The following CEP164 variants were observed in gnomAD, a reference collection of about 807,000 sequenced individuals.
CEP164 encodes the protein centrosomal protein of 164 kDa.
Under a neutral mutation model 182.7 loss-of-function variants are expected in CEP164, and 162 were observed. That is an observed-to-expected ratio of 0.89 (90% confidence interval 0.78 to 1.01). The LOEUF (loss-of-function observed/expected upper bound fraction) is 1.01. CEP164 is among the 50% of genes least tolerant of loss of function. The pLI is 0.00. For missense variants in CEP164, 1,735 were observed against 1,790.4 expected, an observed-to-expected ratio of 0.97 and a Z score of 0.56; for synonymous variants, 661 against 690.0, an observed-to-expected ratio of 0.96 and a Z score of 0.66.
At chr11:117,355,103 C>A (rs947872564) in intron 5 of CEP164, 22 of 1,289,676 alleles carry the variant, frequency 1.7e-5, no homozygotes, top group Middle Eastern at 2.1e-4. Flanking sequence ...CACTCCCTGG[C>A]GTTTCATGGG....
chr11:117,395,819 G>A, intron 24 of CEP164, 97 bp downstream of exon 24: 1 of 1,413,514 alleles, frequency 7.1e-7, no homozygotes, highest in Non-Finnish European at 9.6e-7. Context: ...AGGGAGAGGT[G>A]GAGTCCCAGC....
In CEP164 at chr11:117,409,211, G is replaced by T; in HGVS notation, c.3748+183G>T. The T allele has an allele frequency of 1.3e-6, 1 of 788,932 alleles. No homozygotes were observed. The highest frequency in any genetic ancestry group is 2.0e-6 in the Non-Finnish European group (1 of 503,786). The allele number at this position is 788,932 out of a possible 1,614,324, so 48.9% of individuals were successfully genotyped here. On this transcript the variant is annotated intron_variant, in intron 29 of 32. Coordinates refer to ENST00000278935, the MANE Select transcript of CEP164 (RefSeq NM_014956.5). The surrounding 1 kb of genome is among the most constrained non-coding windows in gnomAD (Gnocchi z 4.4). The stretch of plus-strand genomic sequence containing the variant: ...ACCATCTAGGTTTGCCAGCACGTGG[G>T]GCTGAAAGGTCAGGGAAGCCCTCTG...
At chr11:117,354,252 A>C (rs546749039) in intron 5 of CEP164, among the ~76,000 whole-genome samples, 1 of 152,172 alleles carries the variant, frequency 6.6e-6, no homozygotes, top group Non-Finnish European at 1.5e-5. Flanking sequence ...TCCTGACCTC[A>C]AGTGATCCGC....
chr11:117,405,451 C>T (rs936035418), intron 27 of CEP164, among the ~76,000 whole-genome samples: 2 of 152,126 alleles, frequency 1.3e-5, no homozygotes, highest in Non-Finnish European at 2.9e-5. Context: ...CGACACCCAC[C>T]TTGTTTTGGC....
At position 117,352,290 on chromosome 11, in the gene CEP164, C is replaced by T. The variant is rs182767037; in HGVS notation, c.393+302C>T. On this transcript the variant is annotated intron_variant, in intron 5 of 32. Transcript: ENST00000278935. Reference sequence around the variant, plus strand: ...GAATGGTTTTTTGCAGTAGTAGTAGCAGTAATGGCATCTGCTGCTCTGGAG... The same window carrying T: ...GAATGGTTTTTTGCAGTAGTAGTAGTAGTAATGGCATCTGCTGCTCTGGAG... Among the ~76,000 whole-genome samples, 4 of 152,178 alleles carry T rather than the reference C, an allele frequency of 2.6e-5. No homozygotes were observed. The East Asian group carries it at 7.7e-4, about 29-fold the overall frequency.
intron 1 of CEP164, among the ~76,000 whole-genome samples, chr11:117,332,788 C>T (rs1247187830): frequency 6.6e-6 from 1 of 152,126 alleles, no homozygotes; most frequent in Non-Finnish European, 1.5e-5. Context: ...GGTGACCCCT[C>T]CTAACTCTGG....
At chr11:117,396,013 CCA>C (rs781514194) in intron 24 of CEP164, 39 bp from the exon 25 acceptor site, 1 of 1,612,674 alleles carries the variant, frequency 6.2e-7, no homozygotes, top group Non-Finnish European at 8.5e-7. Context: ...CCCCCCATCG[CCA>C]GCCGCTGCCC....
intron 1 of CEP164, among the ~76,000 whole-genome samples, chr11:117,329,249 A>G (rs1189349945): frequency 1.3e-5 from 2 of 152,080 alleles, no homozygotes; most frequent in Non-Finnish European, 2.9e-5. Context: ...GGCATGCACC[A>G]CTATTCTTGG....
intron 27 of CEP164, among the ~76,000 whole-genome samples, chr11:117,407,503 A>G (rs1206044475): frequency 4.0e-5 from 6 of 151,496 alleles, no homozygotes; most frequent in Non-Finnish European, 8.8e-5. Context: ...AAAGAAAAAA[A>G]AAAGCCAGGT....
Position 117,344,295 on chromosome 11 carries a change from G to A in CEP164, c.194+18G>A, listed in dbSNP as rs766977134. 5 of 1,564,284 alleles carry A rather than the reference G, an allele frequency of 3.2e-6. No homozygotes were observed. The South Asian group carries it at 3.4e-5, about 11-fold the overall frequency. ...AAACCATGGTAAGTCAGCAGGGGGT[G>A]CGGCCACTGACTTGGCCTAGCAGAG... On this transcript the variant is annotated intron_variant, in intron 4 of 32. Coordinates refer to ENST00000278935, the MANE Select transcript of CEP164 (RefSeq NM_014956.5).
rs2044868320 is a variant in CEP164 at position 117,392,914 on chromosome 11, G to A, written c.2494-90G>A. On this transcript the variant is annotated intron_variant, in intron 19 of 32. Coordinates refer to ENST00000278935, the MANE Select transcript of CEP164 (RefSeq NM_014956.5). The stretch of plus-strand genomic sequence containing the variant: ...GTTGTGTGTGTTGGGGGAGATTGGG[G>A]AAATGTGTGTAAGACCTTCAGGTGC... 6 of 1,573,824 alleles carry A rather than the reference G, an allele frequency of 3.8e-6. No individual in the cohort carries two copies. In the South Asian group the frequency reaches 6.9e-5, roughly 18 times the overall value.
chr11:117,327,322 C>T (rs1052996805), upstream of CEP164, among the ~76,000 whole-genome samples: 1 of 152,158 alleles, frequency 6.6e-6, no homozygotes, highest in Non-Finnish European at 1.5e-5. Flanking sequence ...TTGATGACCA[C>T]TGTATTATTC....
At position 117,409,058 on chromosome 11, in the gene CEP164, A is replaced by G. The variant is rs1404174965; in HGVS notation, c.3748+30A>G. The G allele has an allele frequency of 2.5e-6, 4 of 1,613,228 alleles. No individual in the cohort carries two copies. The highest frequency in any genetic ancestry group is 2.2e-5 in the East Asian group (1 of 44,862). ...GTGGGGGAGATGCGGGGTGAGGACC[A>G]TGGTATCCATGGAATGGGAGGAACT... is the stretch of plus-strand genomic sequence containing the variant. On this transcript the variant is annotated intron_variant, in intron 29 of 32. Transcript: ENST00000278935. This position sits in a 1 kb window ranked among gnomAD's most constrained non-coding sequence, Gnocchi z 4.4.
chr11:117,395,732 G>T lies in CEP164; in HGVS notation c.3089+10G>T. The T allele has an allele frequency of 1.2e-6, 2 of 1,601,108 alleles. No homozygotes were observed. The highest frequency in any genetic ancestry group is 1.7e-6 in the Non-Finnish European group (2 of 1,174,176). On this transcript the variant is annotated intron_variant, in intron 24 of 32. Transcript: ENST00000278935. ...TGCAGAAACACTTCAGGTGGCGTGG[G>T]CACCCTGCACTTAGCCCTGCTGGCT... is the stretch of plus-strand genomic sequence containing the variant.
At chr11:117,410,528 A>C in intron 30 of CEP164, 2 of 295,358 alleles carry the variant, frequency 6.8e-6, no homozygotes, top group Non-Finnish European at 1.3e-5. Flanking sequence ...CTGTGTGGCT[A>C]ATTCTTGCTT....
In CEP164 at chr11:117,395,308, G is replaced by A. The variant is rs570635268; in HGVS notation, c.2913+117G>A. The A allele has an allele frequency of 1.2e-5, 15 of 1,296,900 alleles. No homozygotes were observed. In the African/African-American group the frequency reaches 1.9e-4, roughly 16 times the overall value. The allele number at this position is 1,296,900 out of a possible 1,614,324, so 80.3% of individuals were successfully genotyped here. A position where few individuals can be genotyped will look rare whatever the true frequency, so the allele number is the denominator to read the frequency against. On this transcript the variant is annotated intron_variant, in intron 23 of 32. Coordinates refer to ENST00000278935, the MANE Select transcript of CEP164 (RefSeq NM_014956.5). ...CCAGGGCACTGGGGTTCCAAACTCT[G>A]TTGGCCAGTATTCCACAAATAGTGC...
At chr11:117,344,369 C>A in intron 4 of CEP164, 92 bp downstream of exon 4, 1 of 799,408 alleles carries the variant, frequency 1.3e-6, no homozygotes, top group Non-Finnish European at 2.1e-6. Flanking sequence ...CCAGCTTTTC[C>A]AAGCCTATCC....
At chr11:117,345,284 C>T (rs541489185) in intron 4 of CEP164, among the ~76,000 whole-genome samples, 1 of 152,166 alleles carries the variant, frequency 6.6e-6, no homozygotes, top group African/African-American at 2.4e-5. Context: ...GTCACTGCCT[C>T]TGTCTTCCTC....
At chr11:117,393,202 C>A (rs2044937490) in intron 20 of CEP164, 76 bp downstream of exon 20, 1 of 1,551,584 alleles carries the variant, frequency 6.4e-7, no homozygotes, top group South Asian at 1.2e-5. Context: ...CACACATGCA[C>A]ACACACATGC....
Sources: allele counts gnomAD v4.1 joint callset (sites outside exome capture counted in the v4.1 genomes callset), GRCh38; gene constraint gnomAD v4.1.1; non-coding constraint Gnocchi (gnomAD v3.1); transcripts MANE v1.5; gene names NCBI Gene and HGNC (gene_info 2026-07-23, HGNC 2026-07-21).